CACNA1E: variants seen among roughly 807,000 people sequenced by gnomAD.
CACNA1E encodes calcium voltage-gated channel subunit alpha1 E.
In CACNA1E, 40 loss-of-function variants were observed where a neutral mutation model predicts 259.2. The ratio of observed to expected loss-of-function variants is 0.15; its 90% CI spans 0.12 to 0.20. The LOEUF is 0.20. Ranked by LOEUF, CACNA1E falls within the 10% of genes least tolerant of loss-of-function variation. CACNA1E has a pLI of 1.00. For synonymous variants in CACNA1E, 1,104 were observed against 1,138.5 expected (o/e 0.97, Z 0.61); for missense variants, 1,874 against 3,040.1 (o/e 0.62, Z 9.02).
intron 3 of CACNA1E, among the ~76,000 whole-genome samples, chr1:181,516,276 G>T (rs1666575475): frequency 6.6e-6 from 1 of 151,222 alleles, no homozygotes; most frequent in Non-Finnish European, 1.5e-5. Flanking sequence ...GAGAAAGCAG[G>T]GGTATCACAT....
intron 27 of CACNA1E, among the ~76,000 whole-genome samples, chr1:181,753,005 C>G (rs1023873029): frequency 1.3e-5 from 2 of 152,204 alleles, no homozygotes; most frequent in Non-Finnish European, 2.9e-5. Flanking sequence ...AGCTGAGGCT[C>G]CATGGGAGGA....
intron 7 of CACNA1E, among the ~76,000 whole-genome samples, chr1:181,675,528 GAGA>G (rs1649283405): frequency 6.6e-6 from 1 of 152,188 alleles, no homozygotes; most frequent in South Asian, 2.1e-4. Flanking sequence ...TCATGGAGGA[GAGA>G]AGAGGAGGAG....
chr1:181,602,893 T>C (rs1653873821), intron 6 of CACNA1E, among the ~76,000 whole-genome samples: 1 of 152,060 alleles, frequency 6.6e-6, no homozygotes, highest in South Asian at 2.1e-4. Flanking sequence ...GTCCACAAGA[T>C]CCATACTTAC....
chr1:181,320,566 T>C (rs182572697), intron 1 of CACNA1E, among the ~76,000 whole-genome samples: 2 of 152,362 alleles, frequency 1.3e-5, no homozygotes, highest in South Asian at 2.1e-4. Context: ...ATGAGGAAAC[T>C]GATGCTCAGA....
At chr1:181,711,937 T>C (rs1653409308) in intron 8 of CACNA1E, among the ~76,000 whole-genome samples, 1 of 152,116 alleles carries the variant, frequency 6.6e-6, no homozygotes, top group Admixed American at 6.5e-5. Flanking sequence ...AGGACTGACG[T>C]GCTGGCCGCA....
At chr1:181,688,380 G>A (rs1230972851) in intron 7 of CACNA1E, among the ~76,000 whole-genome samples, 5 of 152,188 alleles carry the variant, frequency 3.3e-5, no homozygotes, top group Admixed American at 2.6e-4. Flanking sequence ...TAAGTGTATT[G>A]CAAGTTATCC....
At chr1:181,781,337 G>A in intron 38 of CACNA1E, 90 bp from the exon 39 acceptor site, 1 of 700,490 alleles carries the variant, frequency 1.4e-6, no homozygotes. Flanking sequence ...CTATCTGTCT[G>A]CATCCTTCTC....
intron 7 of CACNA1E, among the ~76,000 whole-genome samples, chr1:181,694,597 A>T (rs1651520766): frequency 6.6e-6 from 1 of 152,180 alleles, no homozygotes; most frequent in Non-Finnish European, 1.5e-5. Context: ...CCATGAGATG[A>T]TGCAGCAAGA....
intron 7 of CACNA1E, among the ~76,000 whole-genome samples, chr1:181,675,176 A>G (rs954234141): frequency 1.3e-5 from 2 of 152,204 alleles, no homozygotes; most frequent in African/African-American, 4.8e-5. Context: ...AATAAGACAC[A>G]GCATGTTCGT....
rs1261258115 is a variant in CACNA1E, at chr1:181,756,209, G to A, written c.4127+116G>A. The A allele has an allele frequency of 4.8e-6, 5 of 1,047,556 alleles. No individual in the cohort carries two copies. The Middle Eastern group carries it at 9.7e-4, about 202-fold the overall frequency. 64.9% of individuals were successfully genotyped at this position (1,047,556 alleles called of 1,614,324 possible). The stretch of plus-strand genomic sequence containing the variant: ...TTTGTTATTGTATCAGGGAAAGTAA[G>A]GGGTTTTGAGAAGGTGACACAGGCA... On this transcript the variant is annotated intron_variant, in intron 29 of 47. Coordinates refer to ENST00000367573, the MANE Select transcript of CACNA1E (RefSeq NM_001205293.3).
intron 2 of CACNA1E, among the ~76,000 whole-genome samples, chr1:181,427,607 A>G (rs533426291): frequency 2.2e-5 from 1 of 45,140 alleles, no homozygotes; most frequent in African/African-American, 9.5e-5. Flanking sequence ...CCCCACCTCA[A>G]CTCCTCTACC....
chr1:181,516,899 C>T (rs1007418130), intron 3 of CACNA1E, among the ~76,000 whole-genome samples: 1 of 152,200 alleles, frequency 6.6e-6, no homozygotes, highest in Non-Finnish European at 1.5e-5. Flanking sequence ...CCCTTTACTG[C>T]GGAGCACATG....
upstream of CACNA1E, among the ~76,000 whole-genome samples, chr1:181,482,555 C>G (rs1012589705): frequency 2.0e-4 from 31 of 152,256 alleles, no homozygotes; most frequent in Non-Finnish European, 8.8e-5. Flanking sequence ...GGCTGCGTCC[C>G]CGCCCCTCCC....
At chr1:181,477,441 C>G (rs1662933577) in intron 2 of CACNA1E, among the ~76,000 whole-genome samples, 1 of 152,136 alleles carries the variant, frequency 6.6e-6, no homozygotes, top group African/African-American at 2.4e-5. Context: ...GCCCCAGAAT[C>G]CCTGAGAACA....
intron 1 of CACNA1E, among the ~76,000 whole-genome samples, chr1:181,503,118 C>T (rs1665406488): frequency 6.6e-6 from 1 of 152,246 alleles, no homozygotes; most frequent in African/African-American, 2.4e-5. Flanking sequence ...ATGAGGGATG[C>T]AGACACACTG....
At chr1:181,638,235 C>G (rs1657418826) in intron 6 of CACNA1E, among the ~76,000 whole-genome samples, 1 of 152,126 alleles carries the variant, frequency 6.6e-6, no homozygotes, top group Non-Finnish European at 1.5e-5. Flanking sequence ...GTCTTCCAAC[C>G]TTATCTGACA....
In CACNA1E at chr1:181,391,941, CTCTCTG is replaced by C. The variant is rs1252458867; in HGVS notation, c.-14-21190_-14-21185del. Among the ~76,000 whole-genome samples, 1,077 of 116,824 alleles carry C rather than the reference CTCTCTG, an allele frequency of 9.2e-3. 19 individuals are homozygous for C. The highest frequency in any genetic ancestry group is 0.04 in the African/African-American group (1,009 of 25,150). The allele number at this position is 116,824 out of a possible 152,430, so 76.6% of individuals were successfully genotyped here. ...TCTCTCTCTGTCTCTCTCTCTCTCT[CTCTCTG>C]TGTGTGTGTGTGTGTGTGTGTGTGT... On this transcript the variant is annotated intron_variant, in intron 1 of 11. Coordinates refer to the CACNA1E transcript ENST00000524607.
chr1:181,695,515 G>A (rs958517698), intron 7 of CACNA1E, among the ~76,000 whole-genome samples: 3 of 152,186 alleles, frequency 2.0e-5, no homozygotes, highest in African/African-American at 7.2e-5. Flanking sequence ...ATATGGTATT[G>A]CTGTCAACAG....
intron 1 of CACNA1E, among the ~76,000 whole-genome samples, chr1:181,325,892 G>T (rs7544699): frequency 6.6e-6 from 1 of 152,042 alleles, no homozygotes; most frequent in Admixed American, 6.5e-5. Flanking sequence ...CTCCCAGGCC[G>T]CAGGGGACAG....
Sources: allele counts gnomAD v4.1 joint callset (sites outside exome capture counted in the v4.1 genomes callset), GRCh38; gene constraint gnomAD v4.1.1; transcripts MANE v1.5; gene names NCBI Gene and HGNC (gene_info 2026-07-23, HGNC 2026-07-21).